The following THSD7B variants were observed in gnomAD, a reference collection of about 807,000 sequenced individuals.
THSD7B encodes the protein thrombospondin type-1 domain-containing protein 7B.
A neutral mutation model predicts 213.6 loss-of-function variants in THSD7B; 138 were observed. The observed-to-expected ratio is 0.65, with a 90% CI of 0.56 to 0.74. The LOEUF (loss-of-function observed/expected upper bound fraction) is 0.74. Ranked by LOEUF, THSD7B falls within the 30% of genes least tolerant of loss-of-function variation. THSD7B has a pLI of 0.00. For synonymous variants in THSD7B, 742 were observed against 687.0 expected, an observed-to-expected ratio of 1.08 and a Z score of -1.25; for missense variants, 1,931 against 1,991.5, an observed-to-expected ratio of 0.97 and a Z score of 0.58.
chr2:137,339,363 A>G (rs13425836), intron 12 of THSD7B, among the ~76,000 whole-genome samples: 1,976 of 152,108 alleles, frequency 0.013, 53 homozygotes, highest in African/African-American at 0.045. Flanking sequence ...ACTGAGTGCT[A>G]TGAGAGAAGA....
chr2:136,959,563 C>A (rs976608650), intron 2 of THSD7B, among the ~76,000 whole-genome samples: 6 of 152,142 alleles, frequency 3.9e-5, no homozygotes, highest in Non-Finnish European at 8.8e-5. Context: ...TCAAATAAAA[C>A]ATTTGGTTTG....
intron 1 of THSD7B, among the ~76,000 whole-genome samples, chr2:136,858,102 C>A (rs1408910879): frequency 6.6e-6 from 1 of 152,054 alleles, no homozygotes; most frequent in Non-Finnish European, 1.5e-5. Context: ...GTCTTACAAG[C>A]ATAATTGAAA....
chr2:137,425,486 G>A (rs1294238876), intron 14 of THSD7B, among the ~76,000 whole-genome samples: 4 of 152,104 alleles, frequency 2.6e-5, no homozygotes, highest in East Asian at 1.9e-4. Flanking sequence ...CAAAGTGTTG[G>A]GATTACAGGC....
intron 9 of THSD7B, among the ~76,000 whole-genome samples, chr2:137,241,388 C>G (rs933919482): frequency 2.6e-5 from 4 of 152,108 alleles, no homozygotes; most frequent in Admixed American, 6.5e-5. Flanking sequence ...AGCAAGCAAG[C>G]AAACAAACAA....
At chr2:137,354,672 A>G (rs76609737) in intron 12 of THSD7B, among the ~76,000 whole-genome samples, 1,971 of 152,224 alleles carry the variant, frequency 0.013, 54 homozygotes, top group African/African-American at 0.046. Flanking sequence ...GAGCAGTTGC[A>G]TTTATGGTTA....
chr2:137,011,437 A>G (rs1052178111), intron 2 of THSD7B, among the ~76,000 whole-genome samples: 3 of 152,296 alleles, frequency 2.0e-5, no homozygotes, highest in African/African-American at 7.2e-5. Flanking sequence ...TCTAAGTTGT[A>G]CGGACTGTTC....
intron 2 of THSD7B, among the ~76,000 whole-genome samples, chr2:137,041,765 CAG>C (rs1174978636): frequency 6.6e-6 from 1 of 151,852 alleles, no homozygotes; most frequent in Non-Finnish European, 1.5e-5. Context: ...GCATAGCACA[CAG>C]AGTCAATAAT....
chr2:137,315,263 C>T lies in THSD7B; in HGVS notation c.2500+39237C>T, dbSNP rs189406750. 1.2e-4 allele frequency among the ~76,000 whole-genome samples: 19 copies of T among 152,298 alleles called. No individual in the cohort carries two copies. In the East Asian group the frequency reaches 1.5e-3, roughly 12 times the overall value. ...GCGCAGTATTCGGGTGGGAGTGACC[C>T]GATTTTCCAGGTGCCATCTGTCACC... On this transcript the variant is annotated intron_variant, in intron 12 of 27. Transcript: ENST00000409968.
intron 2 of THSD7B, chr2:136,991,041 G>T (rs1685772105): frequency 1.1e-6 from 1 of 947,542 alleles, no homozygotes; most frequent in African/African-American, 1.7e-5. Flanking sequence ...AAAGAAAGAT[G>T]GTTATGTGTT....
At chr2:137,579,783 T>A (rs1681537652) in intron 17 of THSD7B, among the ~76,000 whole-genome samples, 1 of 152,154 alleles carries the variant, frequency 6.6e-6, no homozygotes, top group South Asian at 2.1e-4. Context: ...ATCAGATAAG[T>A]TTTCTAGCTT....
intron 15 of THSD7B, among the ~76,000 whole-genome samples, chr2:137,490,507 G>A (rs1252117637): frequency 6.6e-6 from 1 of 152,164 alleles, no homozygotes; most frequent in Non-Finnish European, 1.5e-5. Context: ...AGAAGGTACA[G>A]AGATTTCCCA....
intron 5 of THSD7B, among the ~76,000 whole-genome samples, chr2:137,115,719 A>G (rs902786009): frequency 3.9e-5 from 6 of 152,302 alleles, no homozygotes; most frequent in African/African-American, 7.2e-5. Flanking sequence ...TCAAGGATCC[A>G]GGGTTTTGTC....
At chr2:137,278,615 G>A (rs971505354) in intron 12 of THSD7B, among the ~76,000 whole-genome samples, 2 of 152,026 alleles carry the variant, frequency 1.3e-5, no homozygotes, top group African/African-American at 4.8e-5. Flanking sequence ...GGCATTCCTA[G>A]GAAGAAAGGG....
At position 137,598,061 on chromosome 2, in the gene THSD7B, T is replaced by C. The variant is rs1681996764; in HGVS notation, c.3424-18114T>C. On this transcript the variant is annotated intron_variant, in intron 17 of 27. Transcript: ENST00000409968. ...TCACTCTATCTCATTCCTGTTCCTG[T>C]CTCCCCATTTCCCCATCTTTCTTTT... Among the ~76,000 whole-genome samples, 3 of 152,114 alleles carry C rather than the reference T, an allele frequency of 2.0e-5. No homozygotes were observed. In the South Asian group the frequency reaches 6.2e-4, roughly 31 times the overall value.
At chr2:136,841,336 C>T (rs546402252) in intron 1 of THSD7B, among the ~76,000 whole-genome samples, 156 of 152,120 alleles carry the variant, frequency 1.0e-3, no homozygotes, top group African/African-American at 3.3e-3. Context: ...TGGCTCATGA[C>T]GGTAATCCCA....
intron 7 of THSD7B, among the ~76,000 whole-genome samples, chr2:137,204,737 G>A (rs1680947888): frequency 6.6e-6 from 1 of 151,776 alleles, no homozygotes; most frequent in Non-Finnish European, 1.5e-5. Flanking sequence ...CAGTAAATCA[G>A]AAATCAACTA....
At chr2:137,596,017 G>A (rs1489847188) in intron 17 of THSD7B, among the ~76,000 whole-genome samples, 6 of 151,814 alleles carry the variant, frequency 4.0e-5, no homozygotes. Flanking sequence ...CAAAAACAGA[G>A]AGCTATACAA....
chr2:137,215,872 T>A (rs1355153230), intron 7 of THSD7B, among the ~76,000 whole-genome samples: 1 of 152,134 alleles, frequency 6.6e-6, no homozygotes, highest in Non-Finnish European at 1.5e-5. Context: ...CTTAAATAGG[T>A]TTTTAGATTA....
At chr2:137,137,497 A>G (rs535655669) in intron 5 of THSD7B, among the ~76,000 whole-genome samples, 61 of 152,312 alleles carry the variant, frequency 4.0e-4, no homozygotes, top group Non-Finnish European at 6.8e-4. Context: ...TTATGCTTAG[A>G]CGTGTTTAGA....
Sources: gnomAD v4.1 joint callset for allele counts (sites outside exome capture counted in the v4.1 genomes callset) on GRCh38, gnomAD v4.1.1 for gene constraint, MANE v1.5 for transcripts, NCBI Gene and HGNC (gene_info 2026-07-23, HGNC 2026-07-21) for gene names.